The following ZFHX3 variants were observed in gnomAD, a reference collection of about 807,000 sequenced individuals.
ZFHX3 encodes the protein zinc finger homeobox 3.
A neutral mutation model predicts 279.1 loss-of-function variants in ZFHX3; 42 were observed. That is an observed-to-expected ratio of 0.15 (90% CI 0.12 to 0.19). The LOEUF is 0.19. Ranked by LOEUF, ZFHX3 falls within the 10% of genes least tolerant of loss-of-function variation. ZFHX3 has a pLI of 1.00. For missense variants in ZFHX3, 4,981 were observed against 4,754.0 expected (o/e 1.05, Z -1.40); for synonymous variants, 2,293 against 1,957.8 (o/e 1.17, Z -4.52).
intron 5 of ZFHX3, among the ~76,000 whole-genome samples, chr16:73,197,849 G>A (rs966180128): frequency 1.4e-5 from 2 of 145,858 alleles, no homozygotes; most frequent in African/African-American, 5.0e-5. Context: ...TATAAAAGAT[G>A]CTTCTTGTCA....
chr16:73,605,045 T>G (rs1432424563), intron 2 of ZFHX3, among the ~76,000 whole-genome samples: 1 of 152,216 alleles, frequency 6.6e-6, no homozygotes, highest in Non-Finnish European at 1.5e-5. Context: ...CAGCTCTGAT[T>G]GCCCAACAAG....
intron 1 of ZFHX3, among the ~76,000 whole-genome samples, chr16:73,819,897 T>C (rs967269845): frequency 6.6e-6 from 1 of 152,214 alleles, no homozygotes; most frequent in African/African-American, 2.4e-5. Flanking sequence ...GAAGTCTTAC[T>C]GCATACCGGC....
intron 8 of ZFHX3, among the ~76,000 whole-genome samples, chr16:73,090,091 G>A (rs1283523637): frequency 3.3e-5 from 5 of 152,126 alleles, no homozygotes; most frequent in Admixed American, 3.3e-4. Flanking sequence ...TGTAATAACT[G>A]TATTTAAACT....
intron 7 of ZFHX3, among the ~76,000 whole-genome samples, chr16:73,120,187 ATT>A (rs1209853664): frequency 2.0e-5 from 3 of 151,576 alleles, no homozygotes; most frequent in Admixed American, 1.3e-4. Flanking sequence ...CTCATTTCCC[ATT>A]TCTAGTCCTG....
intron 8 of ZFHX3, among the ~76,000 whole-genome samples, chr16:73,080,150 C>G (rs1343506238): frequency 6.6e-6 from 1 of 152,226 alleles, no homozygotes; most frequent in Non-Finnish European, 1.5e-5. Flanking sequence ...CACATCTGCT[C>G]TGTCTCCCAC....
intron 1 of ZFHX3, among the ~76,000 whole-genome samples, chr16:73,036,473 T>C (rs763001873): frequency 2.0e-5 from 3 of 152,162 alleles, no homozygotes; most frequent in Non-Finnish European, 4.4e-5. Context: ...TATTTCTCCC[T>C]GGTCTGTCCA....
rs566860311 is a variant in ZFHX3 at position 73,640,671 on chromosome 16, G to A, written c.-1547+39509C>T. 1.6e-4 allele frequency among the ~76,000 whole-genome samples: 25 copies of A among 152,114 alleles called. No individual in the cohort carries two copies. The South Asian group carries it at 4.8e-3, about 29-fold the overall frequency. ...AAAGTACAATGAAAAGGCAATAGAG[G>A]AGAAAAGATAAGAAAATCGGAGAAT... On this transcript the variant is annotated intron_variant, in intron 2 of 17. Transcript: ENST00000641206.
chr16:73,310,859 T>C (rs1200585608), intron 4 of ZFHX3, among the ~76,000 whole-genome samples: 1 of 133,462 alleles, frequency 7.5e-6, no homozygotes, highest in Non-Finnish European at 1.8e-5. Context: ...TAATATTAAA[T>C]GAAAAAAAAA....
chr16:73,532,718 C>T lies in ZFHX3; in HGVS notation c.-1546-76460G>A, dbSNP rs567824783. 2.6e-5 allele frequency among the ~76,000 whole-genome samples: 4 copies of T among 151,850 alleles called. No homozygotes were observed. In the South Asian group the frequency reaches 8.4e-4, roughly 32 times the overall value. On this transcript the variant is annotated intron_variant, in intron 2 of 17. Transcript: ENST00000641206. The stretch of plus-strand genomic sequence containing the variant: ...ATTGTACTCACCTGATATGGTTTAG[C>T]TCTGTGTCCCCACCCAAATCTCACC...
exon 3 of ZFHX3, chr16:73,456,171 C>T (rs1362777187): frequency 1.3e-5 from 2 of 152,190 alleles, no homozygotes; most frequent in African/African-American, 4.8e-5. Flanking sequence ...AAGGATGTCC[C>T]GCAATCTCTC....
chr16:73,871,573 G>A (rs1184103901), intron 1 of ZFHX3, among the ~76,000 whole-genome samples: 1 of 151,956 alleles, frequency 6.6e-6, no homozygotes, highest in East Asian at 1.9e-4. Context: ...TTGGTGCTTT[G>A]AATGCATCCA....
chr16:73,237,528 CTT>C (rs886922274), intron 5 of ZFHX3, among the ~76,000 whole-genome samples: 1,701 of 84,050 alleles, frequency 0.02, 31 homozygotes, highest in African/African-American at 0.076. Context: ...CAAATGCAGC[CTT>C]TTTTTTTTTT....
chr16:73,045,186 C>T lies in ZFHX3; in HGVS notation c.-50+2566G>A, dbSNP rs185783816. Among the ~76,000 whole-genome samples, 79 of 152,328 alleles carry T rather than the reference C, an allele frequency of 5.2e-4. 1 individual carries two copies. The highest frequency in any genetic ancestry group is 9.8e-4 in the Non-Finnish European group (67 of 68,044). ...TACACCAAAAAGGAACAACTGCACA[C>T]AGTGACAATAAGGACATGTTTCCTG... On this transcript the variant is annotated intron_variant, in intron 1 of 9. Coordinates refer to ENST00000268489, the MANE Select transcript of ZFHX3 (RefSeq NM_006885.4).
At position 73,839,326 on chromosome 16, in the gene ZFHX3, C is replaced by CA. The variant is rs777484716; in HGVS notation, c.-1608+52324dup. Among the ~76,000 whole-genome samples the CA allele has an allele frequency of 6.6e-3, 199 of 30,036 alleles. 51 individuals are homozygous for CA. Among genetic ancestry groups the CA allele is most frequent in the Admixed American group, 0.01 (17 of 1,644 alleles). The allele number at this position is 30,036 out of a possible 152,430, so 19.7% of individuals were successfully genotyped here. The stretch of plus-strand genomic sequence containing the variant: ...GCAGCAACAGAGCAAGACTCCATCT[C>CA]AAAAAAAAAAAAAAAAAAAAAAAAA... On this transcript the variant is annotated intron_variant, in intron 1 of 17. Coordinates refer to the ZFHX3 transcript ENST00000641206.
intron 2 of ZFHX3, among the ~76,000 whole-genome samples, chr16:73,566,854 A>T (rs377529793): frequency 1.3e-5 from 2 of 152,136 alleles, no homozygotes; most frequent in East Asian, 3.9e-4. Context: ...ACATGCCACC[A>T]CACCCAGCTA....
chr16:73,834,914 G>A (rs201670142), intron 1 of ZFHX3, among the ~76,000 whole-genome samples: 1 of 146,084 alleles, frequency 6.8e-6, no homozygotes, highest in Non-Finnish European at 1.5e-5. Context: ...GTCTCCCCCC[G>A]TGGGGTCTGC....
intron 1 of ZFHX3, among the ~76,000 whole-genome samples, chr16:73,009,789 C>T (rs1463369551): frequency 3.3e-5 from 5 of 152,012 alleles, no homozygotes; most frequent in African/African-American, 1.2e-4. Flanking sequence ...CAGAGGCCGA[C>T]GCAGGCGAAT....
intron 3 of ZFHX3, among the ~76,000 whole-genome samples, chr16:73,426,049 C>G (rs965487024): frequency 6.6e-6 from 1 of 152,190 alleles, no homozygotes; most frequent in Non-Finnish European, 1.5e-5. Context: ...ATAGCACTCA[C>G]CCTTGGGCCC....
intron 1 of ZFHX3, among the ~76,000 whole-genome samples, chr16:73,779,075 C>T (rs1465164844): frequency 6.6e-6 from 1 of 152,168 alleles, no homozygotes; most frequent in African/African-American, 2.4e-5. Context: ...CAGATGGAAG[C>T]CCCACCAGAT....
Sources: gnomAD v4.1 joint callset for allele counts (sites outside exome capture counted in the v4.1 genomes callset) on GRCh38, gnomAD v4.1.1 for gene constraint, MANE v1.5 for transcripts, NCBI Gene and HGNC (gene_info 2026-07-23, HGNC 2026-07-21) for gene names.